The following CRYZ variants were observed in gnomAD, a reference collection of about 807,000 sequenced individuals.
CRYZ encodes crystallin zeta, also known as zeta-crystallin.
A neutral mutation model predicts 34.1 loss-of-function variants in CRYZ; 35 were observed. The ratio of observed to expected loss-of-function variants is 1.03; its 90% CI spans 0.78 to 1.36. CRYZ has a LOEUF of 1.36. CRYZ is among the 40% of genes most tolerant of loss of function. The probability of loss-of-function intolerance (pLI) is 0.00; values close to 1 mark genes in which losing one functional copy is unlikely to be tolerated. For synonymous variants in CRYZ, 137 were observed against 136.5 expected (o/e 1.00, Z -0.03); for missense variants, 403 against 391.8 (o/e 1.03, Z -0.24).
rs746896010 is a variant in CRYZ, at chr1:74,706,411, A to C, written c.875T>G (p.Ile292Ser). ...ACCTATCACAGGTTTCAACCAGCCA[A>C]TTTCCATTCCAGCTTGAAGGGCTGC... ...YAAALQAGMEIGWLKPVIGSQ... is the reference protein window; with the variant it reads ...YAAALQAGMESGWLKPVIGSQ... Residue 292 changes from isoleucine to serine, a missense_variant, in exon 9 of 9, where the codon ATT becomes AGT. Physicochemically the swap from Ile to Ser is moderately radical, Grantham distance 142. Coordinates refer to ENST00000340866, the MANE Select transcript of CRYZ (RefSeq NM_001889.4). The C allele has an allele frequency of 6.2e-7, 1 of 1,611,896 alleles. No homozygotes were observed. The highest frequency in any genetic ancestry group is 2.2e-5 in the East Asian group (1 of 44,822).
chr1:74,712,310 A>G (rs1246746029), intron 5 of CRYZ, among the ~76,000 whole-genome samples: 7 of 152,158 alleles, frequency 4.6e-5, no homozygotes, highest in Non-Finnish European at 7.3e-5. Context: ...ATTGAAGGAT[A>G]TCTACTCTCT....
chr1:74,707,804 C>T (rs1213886852), intron 6 of CRYZ: 1 of 151,986 alleles, frequency 6.6e-6, no homozygotes, highest in East Asian at 1.9e-4. Context: ...ATCCCTGTGC[C>T]CGGGATTGCA....
intron 3 of CRYZ, among the ~76,000 whole-genome samples, chr1:74,720,952 G>A (rs892929693): frequency 1.3e-5 from 2 of 152,062 alleles, no homozygotes; most frequent in African/African-American, 4.8e-5. Context: ...ACAAGAAAAA[G>A]AAAGAAATTA....
At position 74,724,704 on chromosome 1, in the gene CRYZ, T is replaced by C. The variant is rs1203343958; in HGVS notation, c.111+7A>G. ...TTATAGCCTCAATAAAGTAATTTTA[T>C]TTCTACCTGATGGTCTTTTGGAATC... On this transcript the variant is annotated splice_region_variant and intron_variant, in intron 2 of 8. Coordinates refer to ENST00000340866, the MANE Select transcript of CRYZ (RefSeq NM_001889.4). 6.4e-7 allele frequency: 1 copy of C among 1,570,354 alleles called. No individual in the cohort carries two copies. Among genetic ancestry groups the C allele is most frequent in the Non-Finnish European group, 8.7e-7 (1 of 1,144,772 alleles).
chr1:74,706,719 G>T (rs1361068647), intron 8 of CRYZ, among the ~76,000 whole-genome samples, 180 bp downstream of exon 8: 1 of 151,996 alleles, frequency 6.6e-6, no homozygotes, highest in Non-Finnish European at 1.5e-5. Context: ...ATCTCAAAAG[G>T]TATGCTTACC....
intron 1 of CRYZ, among the ~76,000 whole-genome samples, chr1:74,729,134 G>GTT (rs35216240): frequency 6.9e-6 from 1 of 144,024 alleles, no homozygotes; most frequent in African/African-American, 2.5e-5. Flanking sequence ...TTTTTGTTTT[G>GTT]TTTTTTTTTT....
rs1647122151 is a variant in CRYZ, at chr1:74,719,320, T to C, written c.317A>G (p.Tyr106Cys). The C allele has an allele frequency of 3.1e-6, 5 of 1,613,664 alleles. No homozygotes were observed. The highest frequency in any genetic ancestry group is 2.5e-6 in the Non-Finnish European group (3 of 1,179,706). The change falls in exon 4 of 9, where the codon TAT becomes TGT. Residue 106 changes from tyrosine to cysteine, a missense_variant. Physicochemically the swap from Tyr to Cys is radical, Grantham distance 194. Transcript: ENST00000340866. The stretch of plus-strand genomic sequence containing the variant: ...AACAGTGTGGTCTGCTGCAAGAGCA[T>C]ACTCTGCATAACCCCCAGAGATCGT... ...SSTISGGYAE[Y>C]ALAADHTVYK...
intron 1 of CRYZ, chr1:74,730,392 G>A (rs182015978): frequency 6.6e-6 from 1 of 152,180 alleles, no homozygotes; most frequent in African/African-American, 2.4e-5. Flanking sequence ...CTATCCACGG[G>A]ATCATCATAT....
intron 5 of CRYZ, among the ~76,000 whole-genome samples, chr1:74,711,451 G>C (rs1389627133): frequency 6.6e-6 from 1 of 152,212 alleles, no homozygotes; most frequent in East Asian, 1.9e-4. Context: ...ATATAGTTTA[G>C]AGGTAAGCTA....
Position 74,724,691 on chromosome 1 carries a change from TA to T in CRYZ, c.111+19del. On this transcript the variant is annotated intron_variant, in intron 2 of 8. Coordinates refer to ENST00000340866, the MANE Select transcript of CRYZ (RefSeq NM_001889.4). ...ACACTCAGTATAATTATAGCCTCAA[TA>T]AAGTAATTTTATTTCTACCTGATGG... is the stretch of plus-strand genomic sequence containing the variant. 6.8e-7 allele frequency: 1 copy of T among 1,470,530 alleles called. No homozygotes were observed. Among genetic ancestry groups the T allele is most frequent in the Non-Finnish European group, 9.5e-7 (1 of 1,055,484 alleles). The allele number at this position is 1,470,530 out of a possible 1,614,324, so 91.1% of individuals were successfully genotyped here. A position where few individuals can be genotyped will look rare whatever the true frequency, so the allele number is the denominator to read the frequency against.
intron 3 of CRYZ, 138 bp downstream of exon 3, chr1:74,722,980 A>T: frequency 1.3e-6 from 1 of 757,514 alleles, no homozygotes; most frequent in African/African-American, 1.8e-5. Context: ...TCCTTTTTTG[A>T]CTAGAGGAGT....
chr1:74,707,125 A>G lies in CRYZ; in HGVS notation c.710T>C (p.Leu237Pro), dbSNP rs749452092. The G allele has an allele frequency of 4.4e-6, 7 of 1,588,564 alleles. No individual in the cohort carries two copies. The East Asian group carries it at 1.3e-4, about 30-fold the overall frequency. Residue 237 changes from leucine (L) to proline (P), a missense_variant, in exon 7 of 9, where the codon CTG (leucine) becomes CCG (proline). Coordinates refer to ENST00000340866, the MANE Select transcript of CRYZ (RefSeq NM_001889.4). ...TACTATCACTCGTCCTCCATGTGAC[A>G]GAAGACTCAAGTCTTTACTAAGATT... ...NVNLSKDLSL[L>P]SHGGRVIVVG...
At chr1:74,726,389 T>C (rs1257391419) in intron 1 of CRYZ, among the ~76,000 whole-genome samples, 1 of 152,204 alleles carries the variant, frequency 6.6e-6, no homozygotes, top group Non-Finnish European at 1.5e-5. Context: ...CTCAGAGGCT[T>C]GGGGCTTGCA....
At chr1:74,708,946 G>A (rs1646966314) in intron 6 of CRYZ, 2 of 152,144 alleles carry the variant, frequency 1.3e-5, no homozygotes, top group Non-Finnish European at 2.9e-5. Flanking sequence ...AATGTGGTCA[G>A]GGTCATATGC....
rs531899523 is a variant in CRYZ, at chr1:74,707,413, T to A, written c.631-209A>T. The A allele has an allele frequency of 1.1e-5, 4 of 379,264 alleles. No homozygotes were observed. The East Asian group carries it at 1.9e-4, about 18-fold the overall frequency. 23.5% of individuals were successfully genotyped at this position (379,264 alleles called of 1,614,324 possible). ...GCCAGAACATCTAAACTGATAAAAA[T>A]TTGTACTAAATACATTGCTGTAGTG... On this transcript the variant is annotated intron_variant, in intron 6 of 8. Coordinates refer to ENST00000340866, the MANE Select transcript of CRYZ (RefSeq NM_001889.4).
At chr1:74,716,930 A>G (rs1647084930) in intron 4 of CRYZ, among the ~76,000 whole-genome samples, 1 of 152,192 alleles carries the variant, frequency 6.6e-6, no homozygotes, top group Admixed American at 6.6e-5. Context: ...TAAGTATTAC[A>G]GAAAAAAATC....
At chr1:74,727,672 A>G (rs1647449361) in intron 1 of CRYZ, among the ~76,000 whole-genome samples, 1 of 146,994 alleles carries the variant, frequency 6.8e-6, no homozygotes, top group African/African-American at 2.5e-5. Flanking sequence ...AAAAAACCCA[A>G]CAGATCTCAT....
At chr1:74,706,858 A>C in intron 8 of CRYZ, 41 bp downstream of exon 8, 1 of 1,534,510 alleles carries the variant, frequency 6.5e-7, no homozygotes, top group Non-Finnish European at 9.0e-7. Flanking sequence ...AAACTGTACC[A>C]ATGTTTAAGT....
At chr1:74,711,750 C>T (rs751991091) in intron 5 of CRYZ, among the ~76,000 whole-genome samples, 1 of 152,072 alleles carries the variant, frequency 6.6e-6, no homozygotes, top group Non-Finnish European at 1.5e-5. Context: ...AAGACCCTGT[C>T]TCTAAAAAAT....
Sources: allele counts gnomAD v4.1 joint callset (sites outside exome capture counted in the v4.1 genomes callset), GRCh38; gene constraint gnomAD v4.1.1; transcripts MANE v1.5; gene names NCBI Gene and HGNC (gene_info 2026-07-23, HGNC 2026-07-21).